GLRA3: variants seen among roughly 807,000 people sequenced by gnomAD.
GLRA3 encodes the protein glycine receptor alpha 3.
A neutral mutation model predicts 60.4 loss-of-function variants in GLRA3; 44 were observed. The observed-to-expected ratio is 0.73, with a 90% confidence interval of 0.57 to 0.94. GLRA3 has a LOEUF of 0.94. Ranked by LOEUF, GLRA3 falls within the 40% of genes least tolerant of loss-of-function variation. GLRA3 has a pLI of 0.00. For missense variants in GLRA3, 508 were observed against 564.6 expected (o/e 0.90, Z 1.02); for synonymous variants, 223 against 192.9 (o/e 1.16, Z -1.29).
chr4:174,713,820 T>C (rs1003364761), intron 5 of GLRA3: 1 of 152,224 alleles, frequency 6.6e-6, no homozygotes, highest in African/African-American at 2.4e-5. Context: ...TGAACCACTC[T>C]GTATATGGCT....
intron 1 of GLRA3, among the ~76,000 whole-genome samples, chr4:174,792,399 G>C (rs1165301472): frequency 6.6e-6 from 1 of 151,932 alleles, no homozygotes; most frequent in Non-Finnish European, 1.5e-5. Context: ...AGCACACAAG[G>C]CATATTGGAT....
intron 1 of GLRA3, among the ~76,000 whole-genome samples, chr4:174,815,823 A>C (rs1296986276): frequency 6.6e-6 from 1 of 152,146 alleles, no homozygotes; most frequent in African/African-American, 2.4e-5. Flanking sequence ...TCTGCCACAA[A>C]GTTCTCTGAC....
At chr4:174,768,646 A>T (rs1216404463) in intron 2 of GLRA3, among the ~76,000 whole-genome samples, 2 of 152,130 alleles carry the variant, frequency 1.3e-5, no homozygotes, top group African/African-American at 4.8e-5. Context: ...TAGCTGATTC[A>T]TAGATATTTA....
chr4:174,742,967 C>T (rs1737084229), intron 3 of GLRA3, among the ~76,000 whole-genome samples: 1 of 152,000 alleles, frequency 6.6e-6, no homozygotes, highest in Non-Finnish European at 1.5e-5. Context: ...AAAGGACAAC[C>T]TATTTGATTA....
chr4:174,660,661 T>C (rs1006730615), intron 7 of GLRA3, among the ~76,000 whole-genome samples: 2 of 152,244 alleles, frequency 1.3e-5, no homozygotes, highest in South Asian at 4.1e-4. Flanking sequence ...TCGTTGATGA[T>C]TTTTGCCTGA....
chr4:174,713,360 T>G (rs1476683431), intron 5 of GLRA3, among the ~76,000 whole-genome samples: 3 of 152,126 alleles, frequency 2.0e-5, no homozygotes, highest in African/African-American at 7.2e-5. Flanking sequence ...CCCAGTAAGC[T>G]TTCCTTATTC....
At chr4:174,723,767 A>C (rs1316069475) in intron 4 of GLRA3, among the ~76,000 whole-genome samples, 1 of 152,058 alleles carries the variant, frequency 6.6e-6, no homozygotes, top group East Asian at 1.9e-4. Context: ...GTCCCCTGAT[A>C]ATATTCTTGA....
chr4:174,662,019 G>A lies in GLRA3; in HGVS notation c.928-2822C>T, dbSNP rs72998784. Among the ~76,000 whole-genome samples, 209 of 152,238 alleles carry A rather than the reference G, an allele frequency of 1.4e-3. 3 individuals are homozygous for A. Among genetic ancestry groups the A allele is most frequent in the African/African-American group, 4.8e-3 (201 of 41,536 alleles). The stretch of plus-strand genomic sequence containing the variant: ...TCAGTTTAATTGGGCAGTGATTTGA[G>A]GTTGTAGCTGAACTCATATCTGTGT... On this transcript the variant is annotated intron_variant, in intron 7 of 9. Coordinates refer to ENST00000274093, the MANE Select transcript of GLRA3 (RefSeq NM_006529.4).
chr4:174,677,169 A>G lies in GLRA3; in HGVS notation c.836T>C (p.Met279Thr). 1 of 1,613,206 alleles carries G rather than the reference A, an allele frequency of 6.2e-7. No homozygotes were observed. Among genetic ancestry groups the G allele is most frequent in the Non-Finnish European group, 8.5e-7 (1 of 1,179,194 alleles). ...ILSWVSFWIN[M>T]DAAPARVALG... ...AGCTACCCTGGCCGGTGCTGCATCCATGTTGATCCAGAATGAAACCCAGGA... is the reference window on the plus strand; with the variant it reads ...AGCTACCCTGGCCGGTGCTGCATCCGTGTTGATCCAGAATGAAACCCAGGA... The change falls in exon 7 of 10, where the codon ATG becomes ACG. Residue 279 changes from methionine (M) to threonine (T), a missense_variant. Met to Thr is a moderately conservative substitution (Grantham distance 81, BLOSUM62 -1). Transcript: ENST00000274093.
At chr4:174,811,145 A>G (rs773069560) in intron 1 of GLRA3, among the ~76,000 whole-genome samples, 5 of 149,586 alleles carry the variant, frequency 3.3e-5, no homozygotes, top group Non-Finnish European at 7.4e-5. Flanking sequence ...ACAGACACAG[A>G]CACACACACA....
At chr4:174,738,528 A>G (rs1561087607) in intron 3 of GLRA3, among the ~76,000 whole-genome samples, 1 of 152,250 alleles carries the variant, frequency 6.6e-6, no homozygotes, top group Non-Finnish European at 1.5e-5. Context: ...CTATTTGAGC[A>G]TGTAAACTTG....
intron 4 of GLRA3, among the ~76,000 whole-genome samples, chr4:174,722,074 A>G (rs537945156): frequency 1.3e-5 from 2 of 152,066 alleles, no homozygotes; most frequent in Admixed American, 6.6e-5. Flanking sequence ...CTATATCTGT[A>G]TCTATATGTA....
At chr4:174,663,390 C>T (rs1269805334) in intron 7 of GLRA3, among the ~76,000 whole-genome samples, 3 of 152,156 alleles carry the variant, frequency 2.0e-5, no homozygotes, top group Non-Finnish European at 4.4e-5. Context: ...CCACATTATT[C>T]CTGAACGAAT....
intron 3 of GLRA3, among the ~76,000 whole-genome samples, chr4:174,766,683 AT>A (rs1738153465): frequency 6.6e-6 from 1 of 152,080 alleles, no homozygotes; most frequent in Non-Finnish European, 1.5e-5. Flanking sequence ...TTGGAAAAAA[AT>A]AATTGCTATG....
At chr4:174,666,570 C>T (rs982033427) in intron 7 of GLRA3, among the ~76,000 whole-genome samples, 4 of 151,664 alleles carry the variant, frequency 2.6e-5, no homozygotes, top group Non-Finnish European at 5.9e-5. Flanking sequence ...ATTGCAAGGA[C>T]TAGTCTTTTT....
chr4:174,664,716 A>T (rs2110909116), intron 7 of GLRA3, among the ~76,000 whole-genome samples: 1 of 152,320 alleles, frequency 6.6e-6, no homozygotes, highest in South Asian at 2.1e-4. Flanking sequence ...TTAGGCTTAC[A>T]GTTCTTCATT....
At chr4:174,706,449 C>G (rs918141280) in intron 5 of GLRA3, among the ~76,000 whole-genome samples, 6 of 152,032 alleles carry the variant, frequency 3.9e-5, no homozygotes, top group Admixed American at 3.9e-4. Context: ...ATCTTTGTAA[C>G]AACTGAAAAA....
intron 5 of GLRA3, among the ~76,000 whole-genome samples, chr4:174,695,415 G>A (rs1735013350): frequency 6.6e-6 from 1 of 151,994 alleles, no homozygotes; most frequent in South Asian, 2.1e-4. Context: ...TCATTCCCAG[G>A]ATGCAAGATT....
chr4:174,817,257 A>G (rs1304580838), intron 1 of GLRA3, among the ~76,000 whole-genome samples: 1 of 152,240 alleles, frequency 6.6e-6, no homozygotes, highest in African/African-American at 2.4e-5. Context: ...AAAAGAAGCC[A>G]GAATGAATGA....
Sources: gnomAD v4.1 joint callset for allele counts (sites outside exome capture counted in the v4.1 genomes callset) on GRCh38, gnomAD v4.1.1 for gene constraint, MANE v1.5 for transcripts, NCBI Gene and HGNC (gene_info 2026-07-23, HGNC 2026-07-21) for gene names.